The following UBFD1 variants were observed in gnomAD, a reference collection of about 807,000 sequenced individuals.
UBFD1 encodes the protein ubiquitin family domain containing 1, also known as ubiquitin domain-containing protein UBFD1.
UBFD1 carries 12 observed loss-of-function variants against 35.1 expected under a neutral mutation model. The observed-to-expected ratio is 0.34, with a 90% CI of 0.22 to 0.55. The LOEUF is 0.55. Among genes scored for constraint, UBFD1 ranks in the 20% least tolerant of loss-of-function variants. The probability of loss-of-function intolerance (pLI) is 0.89; values close to 1 mark genes in which losing one functional copy is unlikely to be tolerated. For synonymous variants in UBFD1, 178 were observed against 167.6 expected, an observed-to-expected ratio of 1.06 and a Z score of -0.48; for missense variants, 337 against 410.8, an observed-to-expected ratio of 0.82 and a Z score of 1.55.
In UBFD1 at chr16:23,559,544, G is replaced by A; in HGVS notation, c.432G>A (p.Val144=). Residue 144 remains valine, a synonymous_variant, in exon 3 of 7, where the codon GTG becomes GTA. Transcript: ENST00000395878. ...PEDKTLREIK[V]TSGAKIMVVG... is the part of the protein sequence containing the mutation. The stretch of plus-strand genomic sequence containing the variant: ...ATAAAACATTGAGAGAAATAAAAGT[G>A]ACCAGTGGGGCCAAGATCATGGTGG... 6.2e-7 allele frequency: 1 copy of A among 1,614,086 alleles called. No individual in the cohort carries two copies. The highest frequency in any genetic ancestry group is 1.3e-5 in the African/African-American group (1 of 75,060).
chr16:23,559,962 C>G, intron 3 of UBFD1: 1 of 1,272,300 alleles, frequency 7.9e-7, no homozygotes, highest in African/African-American at 1.5e-5. Flanking sequence ...GTGGGTTTCT[C>G]TCTCTTATTT....
intron 2 of UBFD1, among the ~76,000 whole-genome samples, chr16:23,558,561 C>T (rs985200301): frequency 2.6e-5 from 4 of 152,176 alleles, no homozygotes; most frequent in African/African-American, 9.7e-5. Flanking sequence ...ACCTAAGGCG[C>T]TTGTTTTACA....
At chr16:23,559,909 T>C (rs1327298580) in intron 3 of UBFD1, 1 of 1,508,314 alleles carries the variant, frequency 6.6e-7, no homozygotes, top group Non-Finnish European at 8.8e-7. Flanking sequence ...GATAAGACCT[T>C]GGTAAAGGGA....
At chr16:23,562,526 C>A in intron 4 of UBFD1, 99 bp from the exon 5 acceptor site, 1 of 1,141,456 alleles carries the variant, frequency 8.8e-7, no homozygotes, top group Non-Finnish European at 1.3e-6. Flanking sequence ...CTTTGGCCTC[C>A]CAGTGTGCTG....
In UBFD1 at chr16:23,557,750, CGGCCGG is replaced by C. The variant is rs1346163057; in HGVS notation, c.13_18del (p.Gly5_Ala6del). The stretch of plus-strand genomic sequence containing the variant: ...GTGTTGTACACAATCATCATGGCGG[CGGCCGG>C]GGCCCCGGATGGTGAGTGCGGCGGG... On this transcript the variant is annotated inframe_deletion, in exon 1 of 7. Transcript: ENST00000395878. 7.6e-6 allele frequency: 10 copies of C among 1,309,006 alleles called. No homozygotes were observed. Among genetic ancestry groups the C allele is most frequent in the Non-Finnish European group, 9.7e-6 (10 of 1,028,276 alleles). The allele number at this position is 1,309,006 out of a possible 1,614,324, so 81.1% of individuals were successfully genotyped here.
rs1966102904 is a variant in UBFD1, at chr16:23,572,785, T to C, written c.*2195T>C. 1 of 153,004 alleles carries C rather than the reference T, an allele frequency of 6.5e-6. No homozygotes were observed. The highest frequency in any genetic ancestry group is 2.1e-4 in the South Asian group (1 of 4,830). The allele number at this position is 153,004 out of a possible 1,614,324, so 9.5% of individuals were successfully genotyped here. A position where few individuals can be genotyped will look rare whatever the true frequency, so the allele number is the denominator to read the frequency against. On this transcript the variant is annotated 3_prime_UTR_variant, in exon 7 of 7. Transcript: ENST00000395878. ...TGCTTTTTTCCTTACTTCGAGATACTATATATAAATAATAATGTAAATGAC... is the reference window on the plus strand; with the variant it reads ...TGCTTTTTTCCTTACTTCGAGATACCATATATAAATAATAATGTAAATGAC...
rs1457767132 is a variant in UBFD1 at position 23,561,319 on chromosome 16, T to C, written c.565-887T>C. Among the ~76,000 whole-genome samples, 3 of 152,190 alleles carry C rather than the reference T, an allele frequency of 2.0e-5. No individual in the cohort carries two copies. In the East Asian group the frequency reaches 5.8e-4, roughly 29 times the overall value. ...GGCTGGCTTGTGGCTGCCTAGTGCT[T>C]ACATTTGATTAAATTGTTACCTTCT... On this transcript the variant is annotated intron_variant, in intron 3 of 6. Transcript: ENST00000395878.
chr16:23,560,313 T>G (rs561570797), intron 3 of UBFD1, among the ~76,000 whole-genome samples: 6 of 152,276 alleles, frequency 3.9e-5, no homozygotes, highest in African/African-American at 1.4e-4. Context: ...CGAGGAAAAG[T>G]GAGATTATTT....
At position 23,558,144 on chromosome 16, in the gene UBFD1, G is replaced by T. The variant is rs1049396434; in HGVS notation, c.220G>T (p.Gly74Cys). The T allele has an allele frequency of 6.2e-7, 1 of 1,604,362 alleles. No homozygotes were observed. Among genetic ancestry groups the T allele is most frequent in the Non-Finnish European group, 8.5e-7 (1 of 1,176,350 alleles). ...CGCAGCCCAGGCCTCGGTCAGCAAC[G>T]GCGAAGACGCGGGCGGCGGCGCGGG... is the stretch of plus-strand genomic sequence containing the variant. ...DPAAQASVSN[G>C]EDAGGGAGRE... Residue 74 changes from glycine (G) to cysteine (C), a missense_variant, in exon 2 of 7, where the codon GGC becomes TGC. Physicochemically the swap from Gly to Cys is radical, Grantham distance 159. Coordinates refer to ENST00000395878, the MANE Select transcript of UBFD1 (RefSeq NM_019116.3).
At chr16:23,567,131 C>A in intron 6 of UBFD1, 62 bp downstream of exon 6, 1 of 1,487,242 alleles carries the variant, frequency 6.7e-7, no homozygotes, top group Non-Finnish European at 9.3e-7. Context: ...TGGCAGGGAA[C>A]AGTTTTAACT....
rs2142210340 is a variant in UBFD1, at chr16:23,559,610, C to T, written c.498C>T (p.Pro166=). ...ATGATGTTTTAGCAGTAAACACACC[C>T]AAAGATGCTGCGCAGCAGGATGCAA... is the stretch of plus-strand genomic sequence containing the variant. ...TINDVLAVNT[P]KDAAQQDAKA... The change falls in exon 3 of 7, where the codon CCC becomes CCT. Residue 166 remains proline (P), a synonymous_variant. Transcript: ENST00000395878. 4.3e-6 allele frequency: 7 copies of T among 1,614,212 alleles called. 1 individual carries two copies. In the East Asian group the frequency reaches 1.6e-4, roughly 36 times the overall value.
chr16:23,562,109 A>G (rs1965944042), intron 3 of UBFD1, 97 bp from the exon 4 acceptor site: 3 of 1,191,564 alleles, frequency 2.5e-6, no homozygotes, highest in Non-Finnish European at 2.4e-6. Flanking sequence ...CTTTTGAGCC[A>G]AAACACTAAG....
intron 4 of UBFD1, 55 bp from the exon 5 acceptor site, chr16:23,562,570 C>T: frequency 1.3e-6 from 2 of 1,559,832 alleles, no homozygotes; most frequent in Non-Finnish European, 8.8e-7. Context: ...GCTTGGCCCC[C>T]TTCTCTTTTT....
chr16:23,558,537 C>T (rs184843141), intron 2 of UBFD1, among the ~76,000 whole-genome samples: 3 of 152,290 alleles, frequency 2.0e-5, no homozygotes, highest in Non-Finnish European at 2.9e-5. Flanking sequence ...TCTAACATCT[C>T]TAATTAAAAA....
At chr16:23,570,411 C>T in intron 6 of UBFD1, 69 bp from the exon 7 acceptor site, 1 of 1,106,256 alleles carries the variant, frequency 9.0e-7, no homozygotes, top group Non-Finnish European at 1.4e-6. Flanking sequence ...AACCCTCACC[C>T]ATGTTTGTCC....
chr16:23,563,518 A>C (rs117736813), intron 5 of UBFD1, among the ~76,000 whole-genome samples: 1,640 of 152,254 alleles, frequency 0.011, 19 homozygotes, highest in Non-Finnish European at 0.016. Context: ...GTGCCAGTTA[A>C]AGTTCCCAAG....
Position 23,559,189 on chromosome 16 carries a change from G to A in UBFD1, c.356-279G>A, listed in dbSNP as rs186542371. On this transcript the variant is annotated intron_variant, in intron 2 of 6. Transcript: ENST00000395878. ...AACAACTTGGAAAGAATGAGAGCTA[G>A]TACTTACTGAACAATTATTCAATGC... is the stretch of plus-strand genomic sequence containing the variant. The A allele has an allele frequency of 3.3e-3, 1,022 of 312,696 alleles. 11 individuals are homozygous for A. The highest frequency in any genetic ancestry group is 8.1e-3 in the Middle Eastern group (8 of 982). The allele number at this position is 312,696 out of a possible 1,614,324, so 19.4% of individuals were successfully genotyped here. A position where few individuals can be genotyped will look rare whatever the true frequency, so the allele number is the denominator to read the frequency against.
Position 23,571,455 on chromosome 16 carries a change from C to T in UBFD1, c.*865C>T, listed in dbSNP as rs1966083681. 1 of 152,292 alleles carries T rather than the reference C, an allele frequency of 6.6e-6. No individual in the cohort carries two copies. Among genetic ancestry groups the T allele is most frequent in the Admixed American group, 6.5e-5 (1 of 15,282 alleles). The allele number at this position is 152,292 out of a possible 1,614,324, so 9.4% of individuals were successfully genotyped here. On this transcript the variant is annotated 3_prime_UTR_variant, in exon 7 of 7. Coordinates refer to ENST00000395878, the MANE Select transcript of UBFD1 (RefSeq NM_019116.3). ...CCCTCACTGAGCTTGGCCTAGAGGC[C>T]CAGCCTGGCATGGTTGTGCCTGGGC...
rs1965900647 is a variant in UBFD1, at chr16:23,559,696, C to T, written c.564+20C>T. On this transcript the variant is annotated intron_variant, in intron 3 of 6. Transcript: ENST00000395878. ...CAGAAAGTGAGTCCATCTTGTGCTT[C>T]TTGGTCTTGAGAAATTTGAGGCTTT... 1.9e-6 allele frequency: 3 copies of T among 1,613,814 alleles called. No individual in the cohort carries two copies. The highest frequency in any genetic ancestry group is 2.5e-6 in the Non-Finnish European group (3 of 1,179,886).
Sources: allele counts gnomAD v4.1 joint callset (sites outside exome capture counted in the v4.1 genomes callset), GRCh38; gene constraint gnomAD v4.1.1; transcripts MANE v1.5; gene names NCBI Gene and HGNC (gene_info 2026-07-23, HGNC 2026-07-21).